KAZN: variants seen among roughly 807,000 people sequenced by gnomAD.
The protein encoded by KAZN is kazrin, periplakin interacting protein.
KAZN carries 40 observed loss-of-function variants against 87.4 expected under a neutral mutation model. That is an observed-to-expected ratio of 0.46 (90% CI 0.36 to 0.60). The LOEUF is 0.60. KAZN is among the 20% of genes least tolerant of loss of function. KAZN has a pLI of 0.00. For synonymous variants in KAZN, 466 were observed against 458.3 expected, an observed-to-expected ratio of 1.02 and a Z score of -0.22; for missense variants, 898 against 1,073.9, an observed-to-expected ratio of 0.84 and a Z score of 2.29.
intron 1 of KAZN, among the ~76,000 whole-genome samples, chr1:14,816,616 G>T (rs2100807085): frequency 6.6e-6 from 1 of 152,170 alleles, no homozygotes; most frequent in East Asian, 1.9e-4. Flanking sequence ...TAAATAGATA[G>T]ACAGACAGAC....
chr1:14,212,474 A>ATT (rs1646873132), intron 2 of KAZN, among the ~76,000 whole-genome samples: 1 of 150,932 alleles, frequency 6.6e-6, no homozygotes, highest in Non-Finnish European at 1.5e-5. Flanking sequence ...ACCACAGATT[A>ATT]TAAGCCAGAA....
At chr1:14,274,928 G>A (rs184580978) in intron 2 of KAZN, among the ~76,000 whole-genome samples, 34 of 151,658 alleles carry the variant, frequency 2.2e-4, no homozygotes, top group Non-Finnish European at 4.6e-4. Context: ...TTGAGATTAT[G>A]ATTCAGCAGA....
At chr1:14,285,953 A>G (rs1653213682) in intron 2 of KAZN, among the ~76,000 whole-genome samples, 1 of 152,172 alleles carries the variant, frequency 6.6e-6, no homozygotes, top group South Asian at 2.1e-4. Context: ...GATGGTTAAG[A>G]CTAAAGACGC....
chr1:14,542,479 A>G (rs1366908890), intron 2 of KAZN, among the ~76,000 whole-genome samples: 1 of 152,234 alleles, frequency 6.6e-6, no homozygotes, highest in East Asian at 1.9e-4. Context: ...AACAACTACA[A>G]ATATTTATAC....
chr1:14,705,627 G>A (rs1441863687), intron 1 of KAZN, among the ~76,000 whole-genome samples: 2 of 152,142 alleles, frequency 1.3e-5, no homozygotes, highest in Non-Finnish European at 2.9e-5. Flanking sequence ...TGCCATTAGA[G>A]GCTACATGGG....
At chr1:14,147,590 A>C (rs941629632) in intron 1 of KAZN, among the ~76,000 whole-genome samples, 1 of 152,020 alleles carries the variant, frequency 6.6e-6, no homozygotes, top group African/African-American at 2.4e-5. Context: ...TCAAGAGATC[A>C]AGACCATCCT....
In KAZN at chr1:14,407,679, G is replaced by A. The variant is rs190962964; in HGVS notation, c.250-191304G>A. Among the ~76,000 whole-genome samples the A allele has an allele frequency of 5.6e-4, 86 of 152,290 alleles. 1 individual carries two copies. The highest frequency in any genetic ancestry group is 5.6e-3 in the South Asian group (27 of 4,832). ...TAAAATGAGAATAATCACACCTAGCGTAGAGTGTTGTATAAACTGTTATCA... is the reference window on the plus strand; with the variant it reads ...TAAAATGAGAATAATCACACCTAGCATAGAGTGTTGTATAAACTGTTATCA... On this transcript the variant is annotated intron_variant, in intron 2 of 16. Coordinates refer to the KAZN transcript ENST00000636203.
At chr1:15,062,728 G>A (rs1638895765) in intron 6 of KAZN, 1 of 152,214 alleles carries the variant, frequency 6.6e-6, no homozygotes, top group South Asian at 2.1e-4. Context: ...CTCCAGACAG[G>A]GCAGACTGAT....
intron 2 of KAZN, among the ~76,000 whole-genome samples, chr1:14,354,313 T>C (rs76468219): frequency 0.1 from 15,509 of 151,902 alleles, 1,027 homozygotes; most frequent in Middle Eastern, 0.2. Flanking sequence ...AAAAAAGAAA[T>C]GGACAAATTG....
chr1:14,369,591 G>A (rs1453349803), intron 2 of KAZN, among the ~76,000 whole-genome samples: 1 of 152,196 alleles, frequency 6.6e-6, no homozygotes, highest in Non-Finnish European at 1.5e-5. Context: ...CTCCTGCAAG[G>A]CCATGATGGG....
chr1:14,598,066 G>C (rs1217815763), upstream of KAZN, among the ~76,000 whole-genome samples: 1 of 152,188 alleles, frequency 6.6e-6, no homozygotes, highest in Admixed American at 6.5e-5. The surrounding 1 kb of genome is among the most constrained non-coding windows in gnomAD (Gnocchi z 4.2). Flanking sequence ...AGCTGGCTAA[G>C]GCTGCTCCTC....
intron 1 of KAZN, among the ~76,000 whole-genome samples, chr1:13,961,618 G>A (rs183699059): frequency 5.3e-5 from 8 of 152,308 alleles, no homozygotes; most frequent in Admixed American, 3.9e-4. Flanking sequence ...ATGTTTTCAT[G>A]TTTGAGAGTC....
At chr1:14,062,945 G>T (rs1642853563) in intron 1 of KAZN, among the ~76,000 whole-genome samples, 1 of 152,206 alleles carries the variant, frequency 6.6e-6, no homozygotes, top group African/African-American at 2.4e-5. Context: ...TCCATGAATA[G>T]ATGAGACGTG....
intron 2 of KAZN, among the ~76,000 whole-genome samples, chr1:14,453,811 G>A (rs1456988066): frequency 6.6e-6 from 1 of 152,098 alleles, no homozygotes; most frequent in East Asian, 1.9e-4. Flanking sequence ...ACTCCAGCCT[G>A]GGCAACAGAG....
intron 2 of KAZN, among the ~76,000 whole-genome samples, chr1:14,292,403 G>T (rs115695920): frequency 6.6e-6 from 1 of 152,310 alleles, no homozygotes; most frequent in Non-Finnish European, 1.5e-5. Flanking sequence ...GGCCTCCTCT[G>T]CTTGGGGACC....
intron 1 of KAZN, among the ~76,000 whole-genome samples, chr1:13,922,780 C>A (rs1277038824): frequency 6.6e-6 from 1 of 152,186 alleles, no homozygotes; most frequent in Non-Finnish European, 1.5e-5. Context: ...GGTGGGGTCA[C>A]CTTCCAGAAT....
At chr1:14,802,423 A>T (rs1646064876) in intron 1 of KAZN, among the ~76,000 whole-genome samples, 2 of 143,346 alleles carry the variant, frequency 1.4e-5, no homozygotes, top group African/African-American at 5.3e-5. Context: ...AAAAAAAAAA[A>T]TTGGGACAAT....
intron 2 of KAZN, among the ~76,000 whole-genome samples, chr1:14,412,701 C>T (rs969343121): frequency 1.3e-5 from 2 of 151,880 alleles, no homozygotes; most frequent in African/African-American, 4.8e-5. Context: ...GAAAATCCCC[C>T]TAAACCAGTC....
Position 13,984,723 on chromosome 1 carries a change from C to G in KAZN, c.91+90967C>G, listed in dbSNP as rs575609608. Among the ~76,000 whole-genome samples the G allele has an allele frequency of 9.9e-5, 15 of 152,220 alleles. No individual in the cohort carries two copies. The South Asian group carries it at 2.3e-3, about 23-fold the overall frequency. ...ACTGAGTTTGTCTTATTTATATGTT[C>G]AGTGATGAGCACAGAGCATGGCATA... On this transcript the variant is annotated intron_variant, in intron 1 of 16. Transcript: ENST00000636203.
Sources: gnomAD v4.1 joint callset for allele counts (sites outside exome capture counted in the v4.1 genomes callset) on GRCh38, gnomAD v4.1.1 for gene constraint, Gnocchi (gnomAD v3.1) non-coding constraint, MANE v1.5 for transcripts, NCBI Gene and HGNC (gene_info 2026-07-23, HGNC 2026-07-21) for gene names.